Variants in KCNH5 observed in about 807,000 individuals in gnomAD.
KCNH5 encodes the protein voltage-gated delayed rectifier potassium channel KCNH5.
KCNH5 carries 46 observed loss-of-function variants against 96.1 expected under a neutral mutation model. The ratio of observed to expected loss-of-function variants is 0.48; its 90% CI spans 0.38 to 0.61. The LOEUF (loss-of-function observed/expected upper bound fraction) is 0.61. KCNH5 is among the 20% of genes least tolerant of loss of function. The pLI, the probability that KCNH5 is intolerant of heterozygous loss-of-function variation, is 0.00. For synonymous variants in KCNH5, 439 were observed against 449.8 expected (o/e 0.98, Z 0.30); for missense variants, 907 against 1,225.8 (o/e 0.74, Z 3.88).
rs146240243 is a variant in KCNH5 at position 62,868,612 on chromosome 14, G to A, written c.1370-18760C>T. On this transcript the variant is annotated intron_variant, in intron 7 of 10. Transcript: ENST00000322893. Reference sequence around the variant, plus strand: ...ACATATGTGCTGAACGTGCAGGTTTGTTACACAGGTATACACGTGCCATAG... The same window carrying A: ...ACATATGTGCTGAACGTGCAGGTTTATTACACAGGTATACACGTGCCATAG... Among the ~76,000 whole-genome samples the A allele has an allele frequency of 2.7e-3, 413 of 152,112 alleles. 2 individuals are homozygous for A. Among genetic ancestry groups the A allele is most frequent in the African/African-American group, 9.8e-3 (405 of 41,486 alleles).
At chr14:62,906,417 A>C (rs554626561) in intron 7 of KCNH5, among the ~76,000 whole-genome samples, 9 of 152,342 alleles carry the variant, frequency 5.9e-5, no homozygotes, top group African/African-American at 2.2e-4. Context: ...GATGTAAAGG[A>C]AACATAGAAG....
At chr14:62,988,710 T>C (rs1020088812) in intron 4 of KCNH5, among the ~76,000 whole-genome samples, 2 of 151,636 alleles carry the variant, frequency 1.3e-5, no homozygotes, top group African/African-American at 4.8e-5. Context: ...AAAAAAAGGG[T>C]ATTAGATATG....
intron 7 of KCNH5, among the ~76,000 whole-genome samples, chr14:62,877,591 A>G (rs1391352364): frequency 2.0e-5 from 3 of 152,248 alleles, no homozygotes; most frequent in Non-Finnish European, 4.4e-5. Context: ...AACACATGAA[A>G]AAATGCTCAC....
At chr14:62,831,285 T>A (rs970247671) in intron 8 of KCNH5, among the ~76,000 whole-genome samples, 2 of 152,204 alleles carry the variant, frequency 1.3e-5, no homozygotes, top group Non-Finnish European at 1.5e-5. Context: ...GTCAGTTTAA[T>A]GTATCAAATT....
chr14:62,866,880 T>C (rs546286426), intron 7 of KCNH5, among the ~76,000 whole-genome samples: 23 of 152,290 alleles, frequency 1.5e-4, no homozygotes, highest in African/African-American at 5.1e-4. Context: ...AGCCTCCTAA[T>C]TGATACTCTT....
At chr14:62,772,988 C>A (rs958280962) in intron 10 of KCNH5, among the ~76,000 whole-genome samples, 2 of 152,136 alleles carry the variant, frequency 1.3e-5, no homozygotes, top group African/African-American at 4.8e-5. Context: ...TATCCTGAAC[C>A]ACAGTATGAA....
intron 8 of KCNH5, among the ~76,000 whole-genome samples, chr14:62,837,743 A>T (rs1887493004): frequency 6.6e-6 from 1 of 152,220 alleles, no homozygotes; most frequent in East Asian, 1.9e-4. Flanking sequence ...TCTATGATTT[A>T]TCAAATTATA....
At chr14:62,822,877 T>C (rs1045664768) in intron 8 of KCNH5, among the ~76,000 whole-genome samples, 2 of 152,108 alleles carry the variant, frequency 1.3e-5, no homozygotes, top group Admixed American at 1.3e-4. Context: ...AATACTATTA[T>C]CTCTATTTCA....
At position 62,704,762 on chromosome 14, in the gene KCNH5, G is replaced by T. The variant is rs1414903183; in HGVS notation, c.*2746C>A. On this transcript the variant is annotated 3_prime_UTR_variant, in exon 11 of 11. Transcript: ENST00000322893. ...ATACAGTGTAGGAATAAAACATGCA[G>T]TTATCTGGTCCTCAAAAGAGCATCT... is the stretch of plus-strand genomic sequence containing the variant. 1 of 151,878 alleles carries T rather than the reference G, an allele frequency of 6.6e-6. No homozygotes were observed. Among genetic ancestry groups the T allele is most frequent in the African/African-American group, 2.4e-5 (1 of 41,430 alleles). The allele number at this position is 151,878 out of a possible 1,614,324, so 9.4% of individuals were successfully genotyped here.
At chr14:62,748,320 G>A (rs184353128) in intron 10 of KCNH5, among the ~76,000 whole-genome samples, 19 of 152,222 alleles carry the variant, frequency 1.2e-4, no homozygotes, top group Admixed American at 3.9e-4. Flanking sequence ...TGCAAGAATC[G>A]ATATTATTAT....
chr14:63,045,358 G>A lies in KCNH5; in HGVS notation c.-172C>T, dbSNP rs1416514118. The A allele has an allele frequency of 1.6e-6, 1 of 637,772 alleles. No individual in the cohort carries two copies. The highest frequency in any genetic ancestry group is 2.8e-6 in the Non-Finnish European group (1 of 352,772). The allele number at this position is 637,772 out of a possible 1,614,324, so 39.5% of individuals were successfully genotyped here. A position where few individuals can be genotyped will look rare whatever the true frequency, so the allele number is the denominator to read the frequency against. On this transcript the variant is annotated 5_prime_UTR_variant, in exon 1 of 11. Transcript: ENST00000322893. ...TGTGTCTCCAGCCCGACCCGGATGA[G>A]CAGCTCTGGGGAGGAGGACCAGGCA...
At chr14:62,867,308 A>T (rs1197278608) in intron 7 of KCNH5, among the ~76,000 whole-genome samples, 1 of 151,864 alleles carries the variant, frequency 6.6e-6, no homozygotes, top group Non-Finnish European at 1.5e-5. Context: ...TGCTCATGTC[A>T]CTCCCCTTCT....
intron 7 of KCNH5, among the ~76,000 whole-genome samples, chr14:62,859,927 C>T (rs1373603049): frequency 6.6e-6 from 1 of 152,178 alleles, no homozygotes; most frequent in African/African-American, 2.4e-5. Context: ...GGCAGGGTGG[C>T]AGGAATGGAG....
intron 7 of KCNH5, among the ~76,000 whole-genome samples, chr14:62,929,547 T>C (rs1889541213): frequency 6.6e-6 from 1 of 152,090 alleles, no homozygotes; most frequent in Non-Finnish European, 1.5e-5. Context: ...TCCTGCACTA[T>C]TTTCTCCCTT....
chr14:62,894,356 T>C (rs1888770136), intron 7 of KCNH5, among the ~76,000 whole-genome samples: 1 of 152,158 alleles, frequency 6.6e-6, no homozygotes, highest in Non-Finnish European at 1.5e-5. Context: ...GACCGGAAAC[T>C]GTAGGAGTGC....
In KCNH5 at chr14:62,908,782, A is replaced by ATTTTTTTTTT. The variant is rs71120241; in HGVS notation, c.1369+41341_1369+41350dup. ...TTGCCCTTTGTTGATTTTGCTTTGT[A>ATTTTTTTTTT]TTTTTTTTTTTTTTTTTTTTTTTTT... On this transcript the variant is annotated intron_variant, in intron 7 of 10. Coordinates refer to ENST00000322893, the MANE Select transcript of KCNH5 (RefSeq NM_139318.5). Among the ~76,000 whole-genome samples, 31 of 23,718 alleles carry ATTTTTTTTTT rather than the reference A, an allele frequency of 1.3e-3. 5 individuals carry two copies. Among genetic ancestry groups the ATTTTTTTTTT allele is most frequent in the South Asian group, 3.2e-3 (1 of 312 alleles). 15.6% of individuals were successfully genotyped at this position (23,718 alleles called of 152,430 possible).
chr14:62,739,777 T>C (rs1034692370), intron 10 of KCNH5, among the ~76,000 whole-genome samples: 9 of 152,128 alleles, frequency 5.9e-5, no homozygotes, highest in Non-Finnish European at 1.3e-4. Flanking sequence ...GGAGTGTTAC[T>C]CTTTGTCATA....
intron 10 of KCNH5, among the ~76,000 whole-genome samples, chr14:62,767,630 C>T (rs1354036521): frequency 6.6e-6 from 1 of 152,082 alleles, no homozygotes; most frequent in Non-Finnish European, 1.5e-5. Context: ...ACTGAGTACA[C>T]GCGGACAATA....
intron 10 of KCNH5, among the ~76,000 whole-genome samples, chr14:62,770,905 GAAGCCTTAACCTCTAGTATGGC>G (rs1885971683): frequency 6.6e-6 from 1 of 152,188 alleles, no homozygotes; most frequent in African/African-American, 2.4e-5. Context: ...TTCATATGGG[GAAGCCTTAACCTCTAGTATGGC>G]TGTATTTGGA....
Sources: allele counts gnomAD v4.1 joint callset (sites outside exome capture counted in the v4.1 genomes callset), GRCh38; gene constraint gnomAD v4.1.1; transcripts MANE v1.5; gene names NCBI Gene and HGNC (gene_info 2026-07-23, HGNC 2026-07-21).